The following ZNF81 variants were observed in gnomAD, a reference collection of about 807,000 sequenced individuals.
ZNF81 encodes the protein zinc finger protein 81 (HFZ20).
A neutral mutation model predicts 32.3 loss-of-function variants in ZNF81; 5 were observed. That is an observed-to-expected ratio of 0.15 (90% CI 0.08 to 0.33). The LOEUF is 0.33. ZNF81 is among the 10% of genes least tolerant of loss of function. ZNF81 has a pLI of 1.00. For synonymous variants in ZNF81, 163 were observed against 166.8 expected, an observed-to-expected ratio of 0.98 and a Z score of 0.17; for missense variants, 379 against 479.8, an observed-to-expected ratio of 0.79 and a Z score of 1.96.
chrX:47,905,652 T>G (rs1340816270), intron 4 of ZNF81, among the ~76,000 whole-genome samples: 2 of 111,040 alleles, frequency 1.8e-5, no homozygotes, highest in Non-Finnish European at 3.8e-5. Context: ...GTTTAAAAAT[T>G]TTTTAATCTT....
intron 3 of ZNF81, among the ~76,000 whole-genome samples, chrX:47,892,669 A>G (rs1569387251): frequency 8.9e-6 from 1 of 112,559 alleles, no homozygotes; most frequent in East Asian, 2.8e-4. Context: ...ATACCAATCA[A>G]TTCAGCCTGA....
chrX:47,867,442 T>C (rs782775474), intron 2 of ZNF81, among the ~76,000 whole-genome samples: 103 of 112,128 alleles, frequency 9.2e-4, no homozygotes, highest in African/African-American at 3.2e-3. Flanking sequence ...TAAATGTTTT[T>C]TCTCCTTATG....
rs138466120 is a variant in ZNF81, at chrX:47,839,794, G to A, written c.-164+2807G>A. Among the ~76,000 whole-genome samples the A allele has an allele frequency of 0.014, 1,571 of 111,882 alleles. 80 individuals carry two copies. In the East Asian group the frequency reaches 0.16, roughly 12 times the overall value. On this transcript the variant is annotated intron_variant, in intron 1 of 4. Coordinates refer to ENST00000338637, the MANE Select transcript of ZNF81 (RefSeq NM_007137.5). The stretch of plus-strand genomic sequence containing the variant: ...TTGTTGAATTTATGTGCACAAAGTT[G>A]TTGTGGTATTCCCTTACTATCCTTT...
intron 2 of ZNF81, among the ~76,000 whole-genome samples, chrX:47,877,239 C>T (rs1419155689): frequency 9.0e-6 from 1 of 111,613 alleles, no homozygotes; most frequent in Non-Finnish European, 1.9e-5. Flanking sequence ...GTCCCTTGGG[C>T]GACTGTATCC....
chrX:47,847,693 C>T (rs2058476519), intron 2 of ZNF81, among the ~76,000 whole-genome samples: 1 of 111,723 alleles, frequency 9.0e-6, no homozygotes, highest in Non-Finnish European at 1.9e-5. Context: ...TGGCTTACCC[C>T]TTCATTTTGT....
At position 47,912,100 on chromosome X, in the gene ZNF81, ATT is replaced by A. The variant is rs1264770729; in HGVS notation, c.278-2819_278-2818del. Among the ~76,000 whole-genome samples the A allele has an allele frequency of 3.9e-5, 4 of 103,443 alleles. 1 individual carries two copies. The highest frequency in any genetic ancestry group is 1.7e-4 in the African/African-American group (4 of 23,224). The allele number at this position is 103,443 out of a possible 115,157, so 89.8% of individuals were successfully genotyped here. A position where few individuals can be genotyped will look rare whatever the true frequency, so the allele number is the denominator to read the frequency against. ...AAGAAGCTTTTTATTGCAGGAGCAA[ATT>A]TTTTATGATGAACATTGGTACTAGT... On this transcript the variant is annotated intron_variant, in intron 4 of 4. Coordinates refer to ENST00000338637, the MANE Select transcript of ZNF81 (RefSeq NM_007137.5).
rs1158372799 is a variant in ZNF81, at chrX:47,922,070, A to G, written c.*5438A>G. On this transcript the variant is annotated 3_prime_UTR_variant, in exon 5 of 5. Coordinates refer to ENST00000338637, the MANE Select transcript of ZNF81 (RefSeq NM_007137.5). Reference sequence around the variant, plus strand: ...ACCAGAATAATGGATTAAAACGTTAACTGTTTTAAGTCACTAAGTTTTGGG... The same window carrying G: ...ACCAGAATAATGGATTAAAACGTTAGCTGTTTTAAGTCACTAAGTTTTGGG... 8.9e-6 allele frequency: 1 copy of G among 112,200 alleles called. No individual in the cohort carries two copies. Among genetic ancestry groups the G allele is most frequent in the African/African-American group, 3.2e-5 (1 of 30,815 alleles). 9.2% of individuals were successfully genotyped at this position (112,200 alleles called of 1,213,427 possible).
In ZNF81 at chrX:47,916,707, T is replaced by G; in HGVS notation, c.*75T>G. 2 of 1,041,247 alleles carry G rather than the reference T, an allele frequency of 1.9e-6. No homozygotes were observed. Among genetic ancestry groups the G allele is most frequent in the Non-Finnish European group, 2.6e-6 (2 of 783,085 alleles). The allele number at this position is 1,041,247 out of a possible 1,213,427, so 85.8% of individuals were successfully genotyped here. A position where few individuals can be genotyped will look rare whatever the true frequency, so the allele number is the denominator to read the frequency against. On this transcript the variant is annotated 3_prime_UTR_variant, in exon 5 of 5. Transcript: ENST00000338637. ...CAGGTCTAACTATATATTATAAAAT[T>G]CATCCAAGACAGATCCTATATGAAT...
intron 3 of ZNF81, 106 bp from the exon 4 acceptor site, chrX:47,895,739 A>G (rs782470002): frequency 8.6e-5 from 51 of 595,875 alleles, no homozygotes; most frequent in Non-Finnish European, 1.3e-4. Flanking sequence ...GTCCCTTTTC[A>G]CCTCTGTGAT....
chrX:47,885,071 C>G, intron 2 of ZNF81, among the ~76,000 whole-genome samples: 1 of 112,156 alleles, frequency 8.9e-6, no homozygotes, highest in Non-Finnish European at 1.9e-5. Flanking sequence ...TCAGATAATA[C>G]TTTACTTTCT....
intron 2 of ZNF81, among the ~76,000 whole-genome samples, chrX:47,857,442 T>C (rs1474107230): frequency 8.9e-6 from 1 of 112,363 alleles, no homozygotes; most frequent in Non-Finnish European, 1.9e-5. Flanking sequence ...ACAAAATACA[T>C]ACAAGTAAAC....
At chrX:47,838,936 G>A (rs1042425896) in intron 1 of ZNF81, among the ~76,000 whole-genome samples, 1 of 111,214 alleles carries the variant, frequency 9.0e-6, no homozygotes, top group Non-Finnish European at 1.9e-5. Context: ...CCAGGCACAC[G>A]CCACCACACC....
intron 2 of ZNF81, among the ~76,000 whole-genome samples, chrX:47,864,320 A>C (rs1174959146): frequency 1.8e-5 from 2 of 111,935 alleles, no homozygotes; most frequent in Non-Finnish European, 3.8e-5. Context: ...TAAAAGGTAC[A>C]CCATTTTCAG....
chrX:47,855,107 A>G (rs1160388870), intron 2 of ZNF81, among the ~76,000 whole-genome samples: 1 of 110,239 alleles, frequency 9.1e-6, no homozygotes, highest in Non-Finnish European at 1.9e-5. Flanking sequence ...CTAAAAAAAT[A>G]TGTACCCTAA....
At position 47,922,952 on chromosome X, in the gene ZNF81, T is replaced by A. The variant is rs1292762283; in HGVS notation, c.*6320T>A. On this transcript the variant is annotated 3_prime_UTR_variant, in exon 5 of 5. Coordinates refer to ENST00000338637, the MANE Select transcript of ZNF81 (RefSeq NM_007137.5). ...CTCCCTGTGTTTCTTCACATCATGT[T>A]CCCTCTGTGTGTCTGGCTCTCTTTC... Among the ~76,000 whole-genome samples the A allele has an allele frequency of 1.8e-5, 2 of 111,456 alleles. No homozygotes were observed. The highest frequency in any genetic ancestry group is 3.3e-5 in the African/African-American group (1 of 30,625).
At chrX:47,861,826 C>T (rs782715869) in intron 2 of ZNF81, among the ~76,000 whole-genome samples, 2 of 112,330 alleles carry the variant, frequency 1.8e-5, no homozygotes, top group African/African-American at 6.5e-5. Context: ...TATTAGCAAT[C>T]GCATAAATTC....
At chrX:47,884,463 T>C (rs1194096073) in intron 2 of ZNF81, among the ~76,000 whole-genome samples, 2 of 110,353 alleles carry the variant, frequency 1.8e-5, no homozygotes, top group Non-Finnish European at 3.8e-5. Flanking sequence ...TGGCTGGGGC[T>C]GCATTCATCT....
rs148459843 is a variant in ZNF81, at chrX:47,878,507, T to C, written c.55-9492T>C. On this transcript the variant is annotated intron_variant, in intron 2 of 4. Coordinates refer to ENST00000338637, the MANE Select transcript of ZNF81 (RefSeq NM_007137.5). ...CATTCCCCTCAATGACATCCCCCGA[T>C]TGGGGGGAACCTGAGACTGACCATC... 0.014 allele frequency among the ~76,000 whole-genome samples: 1,523 copies of C among 112,465 alleles called. 71 individuals are homozygous for C. The East Asian group carries it at 0.16, about 12-fold the overall frequency.
At chrX:47,877,547 A>G (rs2058604745) in intron 2 of ZNF81, among the ~76,000 whole-genome samples, 2 of 111,438 alleles carry the variant, frequency 1.8e-5, no homozygotes, top group African/African-American at 6.5e-5. Context: ...GTATGCCCAG[A>G]ACTCTGTATC....
Sources: gnomAD v4.1 joint callset for allele counts (sites outside exome capture counted in the v4.1 genomes callset) on GRCh38, gnomAD v4.1.1 for gene constraint, MANE v1.5 for transcripts, NCBI Gene and HGNC (gene_info 2026-07-23, HGNC 2026-07-21) for gene names.